PPP2R5A: variants seen among roughly 807,000 people sequenced by gnomAD.
PPP2R5A encodes serine/threonine-protein phosphatase 2A 56 kDa regulatory subunit alpha isoform.
In PPP2R5A, 25 loss-of-function variants were observed where a neutral mutation model predicts 64.2. The ratio of observed to expected loss-of-function variants is 0.39; its 90% CI spans 0.28 to 0.54. The LOEUF (loss-of-function observed/expected upper bound fraction) is 0.54, where lower values mean the gene tolerates loss of function less well. Ranked by LOEUF, PPP2R5A falls within the 20% of genes least tolerant of loss-of-function variation. PPP2R5A has a pLI of 0.67. For synonymous variants in PPP2R5A, 198 were observed against 201.2 expected, an observed-to-expected ratio of 0.98 and a Z score of 0.13; for missense variants, 425 against 576.3, an observed-to-expected ratio of 0.74 and a Z score of 2.69.
chr1:212,307,875 C>T (rs1325505468), intron 1 of PPP2R5A, among the ~76,000 whole-genome samples: 1 of 152,136 alleles, frequency 6.6e-6, no homozygotes, highest in Admixed American at 6.5e-5. Context: ...GATACGGTCT[C>T]GCTCTAGTGC....
At chr1:212,287,881 A>C (rs1211544309) in intron 1 of PPP2R5A, among the ~76,000 whole-genome samples, 1 of 152,008 alleles carries the variant, frequency 6.6e-6, no homozygotes, top group African/African-American at 2.4e-5. Context: ...TTTCATAGTT[A>C]TTTAATTTGC....
At chr1:212,352,708 C>T (rs1419878910) in intron 8 of PPP2R5A, 2 of 479,224 alleles carry the variant, frequency 4.2e-6, no homozygotes, top group Non-Finnish European at 8.2e-6. Context: ...CCTTGGCCTC[C>T]CAAAGTGCTG....
chr1:212,356,586 T>G, intron 8 of PPP2R5A, 40 bp from the exon 9 acceptor site: 1 of 1,589,452 alleles, frequency 6.3e-7, no homozygotes, highest in Non-Finnish European at 8.6e-7. Flanking sequence ...ATTAACTAGC[T>G]TTGTTATTAA....
intron 1 of PPP2R5A, among the ~76,000 whole-genome samples, chr1:212,321,551 C>T (rs1236325820): frequency 1.3e-4 from 18 of 141,800 alleles, no homozygotes; most frequent in South Asian, 9.0e-4. Flanking sequence ...ACTTCTCAGA[C>T]GGGGCGGCCG....
intron 1 of PPP2R5A, chr1:212,309,027 A>G (rs927548433): frequency 5.7e-6 from 4 of 699,122 alleles, no homozygotes; most frequent in Non-Finnish European, 1.0e-5. Flanking sequence ...ATATATATAT[A>G]TTTAGCCAGC....
At chr1:212,309,154 G>C (rs996600601) in intron 1 of PPP2R5A, 1 of 1,200,148 alleles carries the variant, frequency 8.3e-7, no homozygotes, top group Non-Finnish European at 1.2e-6. Flanking sequence ...GTTGACCTTG[G>C]CCACATTGGT....
chr1:212,301,058 G>A (rs560867060), intron 1 of PPP2R5A, among the ~76,000 whole-genome samples: 1 of 152,258 alleles, frequency 6.6e-6, no homozygotes, highest in South Asian at 2.1e-4. Context: ...CTGTCACCCA[G>A]GCTAGAGTGC....
chr1:212,293,847 A>G (rs1049145174), intron 1 of PPP2R5A, among the ~76,000 whole-genome samples: 1 of 152,160 alleles, frequency 6.6e-6, no homozygotes, highest in Non-Finnish European at 1.5e-5. Context: ...CCAGTGCTGA[A>G]TGGGATCTCA....
intron 1 of PPP2R5A, among the ~76,000 whole-genome samples, chr1:212,301,157 C>T (rs1177937769): frequency 3.9e-5 from 6 of 152,084 alleles, no homozygotes; most frequent in African/African-American, 1.2e-4. Flanking sequence ...ATTACAGGTA[C>T]GAGCCACCAC....
intron 4 of PPP2R5A, 89 bp downstream of exon 4, chr1:212,342,369 C>T (rs1659700352): frequency 4.1e-6 from 6 of 1,456,868 alleles, no homozygotes; most frequent in Non-Finnish European, 5.5e-6. Context: ...TCTTTCAAAA[C>T]TTTAATGGTT....
intron 1 of PPP2R5A, among the ~76,000 whole-genome samples, chr1:212,318,517 T>C (rs1442326873): frequency 2.0e-5 from 3 of 152,222 alleles, no homozygotes; most frequent in Non-Finnish European, 2.9e-5. Flanking sequence ...ATTAAGTGCA[T>C]AGTCAAATTT....
chr1:212,311,400 C>T (rs1196626770), intron 1 of PPP2R5A, among the ~76,000 whole-genome samples: 2 of 151,086 alleles, frequency 1.3e-5, no homozygotes, highest in African/African-American at 2.4e-5. Flanking sequence ...ACCCGGGAGG[C>T]GGAGGCAGTG....
At chr1:212,309,493 G>A (rs1658987145) in intron 1 of PPP2R5A, 3 of 783,576 alleles carry the variant, frequency 3.8e-6, no homozygotes, top group Admixed American at 3.5e-5. Context: ...AGGGGCAGGA[G>A]CTTCCTTCTT....
Position 212,348,693 on chromosome 1 carries a change from A to G in PPP2R5A, c.873+196A>G, listed in dbSNP as rs528348465. Among the ~76,000 whole-genome samples, 4 of 152,368 alleles carry G rather than the reference A, an allele frequency of 2.6e-5. No homozygotes were observed. In the South Asian group the frequency reaches 8.3e-4, roughly 32 times the overall value. On this transcript the variant is annotated intron_variant, in intron 7 of 12. Transcript: ENST00000261461. ...GACCAATTATTTAATTTCTATATCT[A>G]CACTTACAGTTTAAGATACACACTT...
intron 1 of PPP2R5A, among the ~76,000 whole-genome samples, chr1:212,312,930 AT>A (rs1458862091): frequency 5.9e-5 from 9 of 152,222 alleles, no homozygotes; most frequent in Non-Finnish European, 1.2e-4. Flanking sequence ...CATTAAAAAA[AT>A]GATTTGTTAC....
intron 1 of PPP2R5A, among the ~76,000 whole-genome samples, chr1:212,319,798 T>A (rs1283541753): frequency 1.3e-5 from 2 of 151,754 alleles, no homozygotes; most frequent in South Asian, 4.2e-4. Context: ...TTTTTTTGTA[T>A]TTTTAGTAGA....
intron 8 of PPP2R5A, among the ~76,000 whole-genome samples, chr1:212,349,628 T>C (rs1306747898): frequency 6.6e-6 from 1 of 152,218 alleles, no homozygotes; most frequent in African/African-American, 2.4e-5. Context: ...TGTTTTGTTT[T>C]TAATAATAGA....
chr1:212,334,263 A>G (rs1659554518), intron 3 of PPP2R5A, among the ~76,000 whole-genome samples: 1 of 152,070 alleles, frequency 6.6e-6, no homozygotes, highest in Non-Finnish European at 1.5e-5. Context: ...GCTTGAATCC[A>G]TAAATTTTTA....
chr1:212,323,569 T>C (rs947143097), intron 1 of PPP2R5A, among the ~76,000 whole-genome samples: 10 of 152,360 alleles, frequency 6.6e-5, no homozygotes, highest in Middle Eastern at 3.4e-3. Context: ...TAAATACTTC[T>C]AATGTTTGGG....
Sources: allele counts gnomAD v4.1 joint callset (sites outside exome capture counted in the v4.1 genomes callset), GRCh38; gene constraint gnomAD v4.1.1; transcripts MANE v1.5; gene names NCBI Gene and HGNC (gene_info 2026-07-23, HGNC 2026-07-21).